NRG4: variants seen among roughly 807,000 people sequenced by gnomAD.
NRG4 encodes neuregulin 4.
NRG4 carries 10 observed loss-of-function variants against 15.0 expected under a neutral mutation model. The observed-to-expected ratio is 0.67, with a 90% CI of 0.41 to 1.13. The LOEUF (loss-of-function observed/expected upper bound fraction) is 1.13, where lower values mean the gene tolerates loss of function less well. Ranked by LOEUF, NRG4 falls within the 50% of genes most tolerant of loss-of-function variation. The probability of loss-of-function intolerance (pLI) is 0.00; values close to 1 mark genes in which losing one functional copy is unlikely to be tolerated. For missense variants in NRG4, 139 were observed against 140.2 expected (o/e 0.99, Z 0.04); for synonymous variants, 41 against 50.1 (o/e 0.82, Z 0.77).
At chr15:76,027,929 G>C (rs1052515639) in intron 5 of NRG4, among the ~76,000 whole-genome samples, 1 of 151,988 alleles carries the variant, frequency 6.6e-6, no homozygotes, top group Non-Finnish European at 1.5e-5. Context: ...ACGACCAGTG[G>C]ATTAAAAAAG....
At chr15:75,982,712 C>T (rs2033651634) in intron 3 of NRG4, among the ~76,000 whole-genome samples, 1 of 152,088 alleles carries the variant, frequency 6.6e-6, no homozygotes, top group African/African-American at 2.4e-5. Flanking sequence ...GCTATGGGGG[C>T]CTTGCATGGA....
At position 75,951,156 on chromosome 15, in the gene NRG4, CTTTTTTCTTTTTTTTTT is replaced by C. The variant is rs1238504734; in HGVS notation, c.331+4759_331+4775del. The C allele has an allele frequency of 2.3e-4, 18 of 79,258 alleles. No homozygotes were observed. The Admixed American group carries it at 3.1e-3, about 14-fold the overall frequency. The allele number at this position is 79,258 out of a possible 1,614,324, so 4.9% of individuals were successfully genotyped here. On this transcript the variant is annotated intron_variant, in intron 5 of 5. Transcript: ENST00000394907. ...CTGGGTGGGTTCTTCTTTTCTTTTT[CTTTTTTCTTTTTTTTTT>C]TTTTTTTTTTTTGAGACGGAGTCTC... is the stretch of plus-strand genomic sequence containing the variant.
chr15:76,019,763 G>A (rs1288275118), intron 5 of NRG4, among the ~76,000 whole-genome samples: 2 of 149,082 alleles, frequency 1.3e-5, no homozygotes, highest in East Asian at 4.0e-4. Flanking sequence ...CTCGCTGGGA[G>A]CTGCAGACCA....
intron 5 of NRG4, among the ~76,000 whole-genome samples, chr15:76,034,823 T>C (rs2035562158): frequency 6.6e-6 from 1 of 152,192 alleles, no homozygotes; most frequent in South Asian, 2.1e-4. Context: ...AATACTTCTA[T>C]GGCGAACTGC....
chr15:75,944,965 T>TTA (rs1567067020), intron 5 of NRG4, among the ~76,000 whole-genome samples: 1 of 152,038 alleles, frequency 6.6e-6, no homozygotes, highest in Non-Finnish European at 1.5e-5. Flanking sequence ...CTTTTTTTTT[T>TTA]AACAAGTATG....
At position 76,049,957 on chromosome 15, in the gene NRG4, A is replaced by T. The variant is rs1272133501; in HGVS notation, c.-105+2110T>A. On this transcript the variant is annotated intron_variant, in intron 4 of 8. Transcript: ENST00000563910. The stretch of plus-strand genomic sequence containing the variant: ...CTTGGAGAGTATTACAAGAGCCAAG[A>T]AAAACTAAATATGTTAATGATGGTC... Among the ~76,000 whole-genome samples, 2 of 151,094 alleles carry T rather than the reference A, an allele frequency of 1.3e-5. 1 individual carries two copies. The highest frequency in any genetic ancestry group is 1.3e-4 in the Admixed American group (2 of 15,218).
At chr15:75,938,286 A>G (rs2030579951), downstream of NRG4, 2 of 152,244 alleles carry the variant, frequency 1.3e-5, no homozygotes, top group Non-Finnish European at 2.9e-5. Flanking sequence ...GCTTTTAAAA[A>G]TAAAAAAACA....
intron 3 of NRG4, among the ~76,000 whole-genome samples, chr15:75,978,374 G>T (rs1017013959): frequency 6.6e-6 from 1 of 151,918 alleles, no homozygotes; most frequent in African/African-American, 2.4e-5. Context: ...GCACATGACG[G>T]GACTTCATTT....
chr15:75,988,607 T>C (rs1439702185), intron 3 of NRG4, among the ~76,000 whole-genome samples: 1 of 152,224 alleles, frequency 6.6e-6, no homozygotes, highest in East Asian at 1.9e-4. Context: ...AGGTCTTTGC[T>C]GAATGAAGAG....
At chr15:75,950,437 CCT>C (rs36015649) in intron 5 of NRG4, 54,503 of 225,240 alleles carry the variant, frequency 0.24, 7,730 homozygotes, top group Non-Finnish European at 0.31. Context: ...GGCAGTCGAG[CCT>C]CTCTACAGAT....
intron 3 of NRG4, among the ~76,000 whole-genome samples, chr15:75,969,434 C>T (rs1489217710): frequency 6.6e-6 from 1 of 152,182 alleles, no homozygotes; most frequent in African/African-American, 2.4e-5. Flanking sequence ...CTTCAGTATG[C>T]AGCAATAAGA....
chr15:76,059,893 G>GGCGGAGGGGCGGAGGGA (rs1383731407), upstream of NRG4: 3 of 145,806 alleles, frequency 2.1e-5, no homozygotes, highest in East Asian at 5.9e-4. Context: ...GAGCGCGGTG[G>GGCGGAGGGGCGGAGGGA]GCGGAGGGGC....
intron 3 of NRG4, among the ~76,000 whole-genome samples, chr15:76,004,489 C>T (rs962704091): frequency 1.3e-4 from 20 of 151,512 alleles, no homozygotes; most frequent in African/African-American, 4.9e-4. Context: ...ATCCCAGCTA[C>T]TCAGGAGGCT....
At chr15:75,948,618 T>G (rs901816741) in intron 5 of NRG4, among the ~76,000 whole-genome samples, 1 of 151,516 alleles carries the variant, frequency 6.6e-6, no homozygotes, top group African/African-American at 2.4e-5. Flanking sequence ...AATTTTTGTA[T>G]ATGGTGATAG....
intron 4 of NRG4, among the ~76,000 whole-genome samples, chr15:75,961,011 A>G (rs184517451): frequency 3.3e-5 from 5 of 152,318 alleles, no homozygotes; most frequent in Non-Finnish European, 4.4e-5. Context: ...CTAACAAGAT[A>G]CTATTTTACC....
intron 1 of NRG4, among the ~76,000 whole-genome samples, chr15:76,057,488 G>T (rs1430608992): frequency 1.3e-5 from 2 of 152,050 alleles, no homozygotes; most frequent in Admixed American, 1.3e-4. Context: ...TAGGCCTCAG[G>T]GTATTTGAAA....
In NRG4 at chr15:76,051,080, A is replaced by G. The variant is rs1010359340; in HGVS notation, c.-105+987T>C. ...GAGTGCAGTGGCGGGATCTCGGCTCACTGCAAGCTCCGCCTGCCGGGTTCA... is the reference window on the plus strand; with the variant it reads ...GAGTGCAGTGGCGGGATCTCGGCTCGCTGCAAGCTCCGCCTGCCGGGTTCA... On this transcript the variant is annotated intron_variant, in intron 4 of 8. Coordinates refer to the NRG4 transcript ENST00000563910. 1.4e-5 allele frequency among the ~76,000 whole-genome samples: 2 copies of G among 146,900 alleles called. 1 individual carries two copies. The highest frequency in any genetic ancestry group is 3.0e-5 in the Non-Finnish European group (2 of 66,756).
chr15:75,945,269 AT>A (rs1555428971), intron 5 of NRG4, among the ~76,000 whole-genome samples: 14 of 128,028 alleles, frequency 1.1e-4, no homozygotes, highest in Admixed American at 2.3e-4. Context: ...ATTTATTTTT[AT>A]TTTATTTTTT....
chr15:76,005,755 T>A (rs766356511), intron 3 of NRG4: 3 of 432,598 alleles, frequency 6.9e-6, no homozygotes, highest in South Asian at 5.1e-5. Flanking sequence ...ATTCATTAAG[T>A]GGAAGTAGAT....
Sources: allele counts gnomAD v4.1 joint callset (sites outside exome capture counted in the v4.1 genomes callset), GRCh38; gene constraint gnomAD v4.1.1; transcripts MANE v1.5; gene names NCBI Gene and HGNC (gene_info 2026-07-23, HGNC 2026-07-21).